POGZ: variants seen among roughly 807,000 people sequenced by gnomAD.
POGZ encodes pogo transposable element with ZNF domain.
In POGZ, 17 loss-of-function variants were observed where a neutral mutation model predicts 134.6. The ratio of observed to expected loss-of-function variants is 0.13; its 90% CI spans 0.09 to 0.19. The LOEUF (loss-of-function observed/expected upper bound fraction) is 0.19. Ranked by LOEUF, POGZ falls within the 10% of genes least tolerant of loss-of-function variation. The pLI, the probability that POGZ is intolerant of heterozygous loss-of-function variation, is 1.00. For missense variants in POGZ, 1,306 were observed against 1,769.7 expected (o/e 0.74, Z 4.70); for synonymous variants, 693 against 657.1 (o/e 1.05, Z -0.84).
At chr1:151,421,063 A>T (rs1001858296) in intron 10 of POGZ, among the ~76,000 whole-genome samples, 3 of 150,576 alleles carry the variant, frequency 2.0e-5, no homozygotes, top group Non-Finnish European at 4.4e-5. Flanking sequence ...TTAAAAATAT[A>T]TAATATATAA....
chr1:151,416,752 C>A (rs571415324), intron 10 of POGZ, among the ~76,000 whole-genome samples: 13 of 151,228 alleles, frequency 8.6e-5, no homozygotes, highest in African/African-American at 2.7e-4. Context: ...GCCTCTTGAG[C>A]AGCTGGGGCT....
intron 3 of POGZ, among the ~76,000 whole-genome samples, chr1:151,435,282 A>T (rs968656377): frequency 6.6e-6 from 1 of 152,216 alleles, no homozygotes; most frequent in Non-Finnish European, 1.5e-5. Context: ...TGAAAACCAT[A>T]ATTAGTTATA....
chr1:151,453,175 C>T (rs1179472628), intron 1 of POGZ, among the ~76,000 whole-genome samples: 1 of 151,972 alleles, frequency 6.6e-6, no homozygotes, highest in African/African-American at 2.4e-5. Context: ...CCATCTTGGC[C>T]TCCCAAAGTG....
Position 151,455,894 on chromosome 1 carries a change from CT to C in POGZ, c.-2+3257del, listed in dbSNP as rs768038263. ...AAACTCAACAAACGGTAGTTTCTTT[CT>C]TTTTTTTTTTTTTTTTTTTTTTTAA... On this transcript the variant is annotated intron_variant, in intron 1 of 18. Transcript: ENST00000271715. 6.2e-3 allele frequency among the ~76,000 whole-genome samples: 730 copies of C among 117,552 alleles called. 4 individuals carry two copies. The highest frequency in any genetic ancestry group is 0.014 in the South Asian group (51 of 3,680). 77.1% of individuals were successfully genotyped at this position (117,552 alleles called of 152,430 possible).
intron 10 of POGZ, among the ~76,000 whole-genome samples, chr1:151,422,727 G>T (rs1283933768): frequency 6.6e-6 from 1 of 152,100 alleles, no homozygotes; most frequent in Non-Finnish European, 1.5e-5. Flanking sequence ...GAGTAGCTGG[G>T]ATTACAGGTG....
chr1:151,447,086 A>C (rs1441131157), intron 1 of POGZ, among the ~76,000 whole-genome samples: 1 of 152,016 alleles, frequency 6.6e-6, no homozygotes, highest in Admixed American at 6.6e-5. Context: ...AAAAGACTAT[A>C]GTTTAAAAAA....
chr1:151,453,355 T>C (rs1662373318), intron 1 of POGZ, among the ~76,000 whole-genome samples: 1 of 152,034 alleles, frequency 6.6e-6, no homozygotes, highest in African/African-American at 2.4e-5. Context: ...TGGTATTTAC[T>C]AAATAACTGG....
At chr1:151,422,361 G>A (rs528803277) in intron 10 of POGZ, among the ~76,000 whole-genome samples, 14 of 152,200 alleles carry the variant, frequency 9.2e-5, no homozygotes, top group African/African-American at 3.1e-4. Context: ...CAACAAAACT[G>A]GAAATCCCGT....
In POGZ at chr1:151,427,906, T is replaced by A; in HGVS notation, c.995A>T (p.Gln332Leu). The A allele has an allele frequency of 6.2e-7, 1 of 1,614,172 alleles. No individual in the cohort carries two copies. The highest frequency in any genetic ancestry group is 8.5e-7 in the Non-Finnish European group (1 of 1,179,998). Residue 332 changes from glutamine (Q) to leucine (L), a missense_variant, in exon 7 of 19, where the codon CAG becomes CTG. Physicochemically the swap from Gln to Leu is moderately radical, Grantham distance 113. Around this residue, in one of 10 missense-constraint regions of POGZ, gnomAD observed 541 missense variants for 680.5 expected, o/e 0.80. Coordinates refer to ENST00000271715, the MANE Select transcript of POGZ (RefSeq NM_015100.4). ...GGACACCACCACTGGCCCAGGACTC[T>A]GGCCCAGGGAAGGGATGGTGTTAAG... is the stretch of plus-strand genomic sequence containing the variant. Reference protein sequence around the residue: ...NTLNTIPSLGQSPGPVVVSNN... With the variant: ...NTLNTIPSLGLSPGPVVVSNN...
At chr1:151,446,046 CTTT>C (rs573169016) in intron 1 of POGZ, among the ~76,000 whole-genome samples, 182 of 123,902 alleles carry the variant, frequency 1.5e-3, no homozygotes, top group African/African-American at 4.9e-3. Context: ...CGTCTTTCAA[CTTT>C]TTTTTTTTTT....
At chr1:151,408,630 A>G (rs889126716) in intron 13 of POGZ, 49 bp from the exon 14 acceptor site, 4 of 1,603,638 alleles carry the variant, frequency 2.5e-6, no homozygotes, top group African/African-American at 2.7e-5. Context: ...ACTAAATTTC[A>G]GAATACTGAA....
At chr1:151,415,647 G>C (rs1189855929) in intron 10 of POGZ, among the ~76,000 whole-genome samples, 1 of 147,990 alleles carries the variant, frequency 6.8e-6, no homozygotes, top group African/African-American at 2.5e-5. Flanking sequence ...CTCCAGCCTG[G>C]GCAAAAGAGC....
In POGZ at chr1:151,459,482, CG is replaced by C. The variant is rs1663256205; in HGVS notation, c.-333del. 6.6e-6 allele frequency: 1 copy of C among 152,310 alleles called. No individual in the cohort carries two copies. The highest frequency in any genetic ancestry group is 1.5e-5 in the Non-Finnish European group (1 of 68,044). The allele number at this position is 152,310 out of a possible 1,614,324, so 9.4% of individuals were successfully genotyped here. ...ACTCCCCCCACCGACCCTCTCGCCC[CG>C]CGGAGGGATACGGCTCGTCACTTCC... On this transcript the variant is annotated 5_prime_UTR_variant, in exon 1 of 19. Transcript: ENST00000271715.
chr1:151,458,193 G>T (rs1288816602), intron 1 of POGZ, among the ~76,000 whole-genome samples: 1 of 152,126 alleles, frequency 6.6e-6, no homozygotes, highest in Non-Finnish European at 1.5e-5. Context: ...ATCTGGAGAG[G>T]AAGGAAATAA....
At chr1:151,442,703 T>A (rs151198252) in intron 1 of POGZ, among the ~76,000 whole-genome samples, 1,334 of 105,436 alleles carry the variant, frequency 0.013, 29 homozygotes, top group African/African-American at 0.044. Context: ...AGAGTGAGAC[T>A]CTGTCTCAAA....
intron 7 of POGZ, 110 bp from the exon 8 acceptor site, chr1:151,425,171 G>A (rs747055537): frequency 7.8e-6 from 5 of 637,864 alleles, no homozygotes; most frequent in Non-Finnish European, 1.2e-5. Flanking sequence ...AAAAGGGTAA[G>A]CAAGCATGAG....
chr1:151,426,773 C>A (rs1211672799), intron 7 of POGZ: 1 of 152,094 alleles, frequency 6.6e-6, no homozygotes, highest in South Asian at 2.1e-4. Context: ...AGCTTTTTGT[C>A]CTATAATTTT....
rs777706474 is a variant in POGZ at position 151,412,336 on chromosome 1, T to C, written c.1739A>G (p.Lys580Arg). Reference protein sequence around the residue: ...ESEPLFLQHMKDTHKPGEMPY... With the variant: ...ESEPLFLQHMRDTHKPGEMPY... Reference sequence around the variant, plus strand: ...CATCTCTCCAGGCTTATGAGTATCCTTCATATGCTGGAGAAATAGTGGCTC... The same window carrying C: ...CATCTCTCCAGGCTTATGAGTATCCCTCATATGCTGGAGAAATAGTGGCTC... Residue 580 changes from lysine (K) to arginine (R), a missense_variant, in exon 11 of 19, where the codon AAG becomes AGG. Coordinates refer to ENST00000271715, the MANE Select transcript of POGZ (RefSeq NM_015100.4). The C allele has an allele frequency of 1.2e-6, 2 of 1,609,826 alleles. No homozygotes were observed. The highest frequency in any genetic ancestry group is 1.7e-6 in the Non-Finnish European group (2 of 1,176,264).
chr1:151,441,476 C>T (rs941136100), intron 2 of POGZ, among the ~76,000 whole-genome samples: 1 of 152,172 alleles, frequency 6.6e-6, no homozygotes, highest in Non-Finnish European at 1.5e-5. Flanking sequence ...CCAATGCCAT[C>T]TTCAGGTCTC....
Sources: gnomAD v4.1 joint callset for allele counts (sites outside exome capture counted in the v4.1 genomes callset) on GRCh38, gnomAD v4.1.1 for gene constraint, gnomAD v4.1.1 regional missense constraint, MANE v1.5 for transcripts, NCBI Gene and HGNC (gene_info 2026-07-23, HGNC 2026-07-21) for gene names.